PRKD1: variants seen among roughly 807,000 people sequenced by gnomAD.
The protein encoded by PRKD1 is serine/threonine-protein kinase D1.
PRKD1 carries 63 observed loss-of-function variants against 95.9 expected under a neutral mutation model. The observed-to-expected ratio is 0.66, with a 90% CI of 0.54 to 0.81. PRKD1 has a LOEUF of 0.81. PRKD1 is among the 30% of genes least tolerant of loss of function. PRKD1 has a pLI of 0.00. For missense variants in PRKD1, 1,048 were observed against 1,165.3 expected (o/e 0.90, Z 1.47); for synonymous variants, 425 against 423.1 (o/e 1.00, Z -0.05).
intron 11 of PRKD1, among the ~76,000 whole-genome samples, chr14:29,628,330 C>T (rs1879761783): frequency 6.6e-6 from 1 of 152,102 alleles, no homozygotes; most frequent in Non-Finnish European, 1.5e-5. Context: ...ATAGATACAG[C>T]AGGTAAAATA....
intron 4 of PRKD1, among the ~76,000 whole-genome samples, chr14:29,645,030 T>A (rs1038319663): frequency 6.6e-6 from 1 of 152,180 alleles, no homozygotes; most frequent in Non-Finnish European, 1.5e-5. Context: ...AACTTGTAAG[T>A]AGCAGAACTA....
intron 1 of PRKD1, among the ~76,000 whole-genome samples, chr14:29,805,674 AG>A (rs2139229336): frequency 6.6e-6 from 1 of 152,320 alleles, no homozygotes; most frequent in East Asian, 1.9e-4. Context: ...AAGGTAGGCA[AG>A]GAGAGGTTAA....
At chr14:29,627,335 G>T (rs1426864374) in intron 11 of PRKD1, among the ~76,000 whole-genome samples, 1 of 152,196 alleles carries the variant, frequency 6.6e-6, no homozygotes, top group Non-Finnish European at 1.5e-5. Flanking sequence ...CAAAGTGACA[G>T]AAGAGGAGGC....
intron 1 of PRKD1, among the ~76,000 whole-genome samples, chr14:29,784,285 G>C (rs1034427754): frequency 6.6e-6 from 1 of 152,028 alleles, no homozygotes; most frequent in East Asian, 1.9e-4. Flanking sequence ...TACTGTTTTG[G>C]TAACTACACC....
intron 1 of PRKD1, among the ~76,000 whole-genome samples, chr14:29,872,782 G>A (rs1302025105): frequency 6.6e-6 from 1 of 151,938 alleles, no homozygotes; most frequent in African/African-American, 2.4e-5. Context: ...AGTCAAAACA[G>A]AAACATATTC....
chr14:29,773,999 G>A (rs977076297), intron 1 of PRKD1, among the ~76,000 whole-genome samples: 1 of 152,158 alleles, frequency 6.6e-6, no homozygotes, highest in African/African-American at 2.4e-5. Flanking sequence ...TGTCATAAAC[G>A]TTGGATCAAA....
At chr14:29,926,396 T>A (rs1338578148) in intron 1 of PRKD1, among the ~76,000 whole-genome samples, 1 of 152,098 alleles carries the variant, frequency 6.6e-6, no homozygotes, top group Non-Finnish European at 1.5e-5. Context: ...CCATGCAACA[T>A]CCATCTGGAT....
intron 1 of PRKD1, among the ~76,000 whole-genome samples, chr14:29,773,792 A>T (rs1231106968): frequency 6.6e-6 from 1 of 152,198 alleles, no homozygotes; most frequent in Non-Finnish European, 1.5e-5. Flanking sequence ...GAGACAATGA[A>T]ATGTACCCAG....
At chr14:29,773,698 T>G (rs1373593175) in intron 1 of PRKD1, among the ~76,000 whole-genome samples, 1 of 152,178 alleles carries the variant, frequency 6.6e-6, no homozygotes, top group African/African-American at 2.4e-5. Context: ...TAATCCAAGT[T>G]TTCTTTAGTT....
chr14:29,905,194 A>G (rs1055310704), intron 1 of PRKD1, among the ~76,000 whole-genome samples: 1 of 152,196 alleles, frequency 6.6e-6, no homozygotes, highest in Non-Finnish European at 1.5e-5. Context: ...CAGCTCCCTC[A>G]GCCCAAAAAT....
intron 1 of PRKD1, among the ~76,000 whole-genome samples, chr14:29,879,112 T>C (rs1390792976): frequency 1.3e-5 from 2 of 152,152 alleles, no homozygotes; most frequent in Admixed American, 6.5e-5. Context: ...CCTAGCTCTC[T>C]TCACCTGCTC....
chr14:29,654,365 G>C lies in PRKD1; in HGVS notation c.696+9334C>G, dbSNP rs368511763. Reference sequence around the variant, plus strand: ...TTTTCTATGTTTTTAGTAGAGGCAGGGTTTCACCATGTTGACCAGGCTGGT... The same window carrying C: ...TTTTCTATGTTTTTAGTAGAGGCAGCGTTTCACCATGTTGACCAGGCTGGT... On this transcript the variant is annotated intron_variant, in intron 4 of 17. Coordinates refer to ENST00000331968, the MANE Select transcript of PRKD1 (RefSeq NM_002742.3). Among the ~76,000 whole-genome samples, 8 of 151,896 alleles carry C rather than the reference G, an allele frequency of 5.3e-5. No homozygotes were observed. In the East Asian group the frequency reaches 1.2e-3, roughly 22 times the overall value.
chr14:29,637,675 G>A (rs750595988), intron 6 of PRKD1, among the ~76,000 whole-genome samples: 1 of 152,112 alleles, frequency 6.6e-6, no homozygotes, highest in Admixed American at 6.6e-5. Context: ...CCAGAAACAA[G>A]TGTGACAATG....
At position 29,597,210 on chromosome 14, in the gene PRKD1, A is replaced by G. The variant is rs1304219634; in HGVS notation, c.2434+281T>C. Among the ~76,000 whole-genome samples the G allele has an allele frequency of 2.6e-5, 4 of 152,166 alleles. No homozygotes were observed. The South Asian group carries it at 8.3e-4, about 31-fold the overall frequency. On this transcript the variant is annotated intron_variant, in intron 16 of 17. Transcript: ENST00000331968. Reference sequence around the variant, plus strand: ...ATAAGTAAGCCCTTACTAATAATTCATTATTACTATTATATTAAGGTATAA... The same window carrying G: ...ATAAGTAAGCCCTTACTAATAATTCGTTATTACTATTATATTAAGGTATAA...
chr14:29,816,001 C>T (rs1257949568), intron 1 of PRKD1, among the ~76,000 whole-genome samples: 3 of 152,098 alleles, frequency 2.0e-5, no homozygotes, highest in Admixed American at 6.5e-5. Context: ...GGGCGGATCA[C>T]AAAGTCAGGA....
At chr14:29,772,771 T>G (rs2139142617) in intron 1 of PRKD1, among the ~76,000 whole-genome samples, 1 of 152,340 alleles carries the variant, frequency 6.6e-6, no homozygotes, top group African/African-American at 2.4e-5. Context: ...AATCTTAGCT[T>G]CTTTCAGCTT....
chr14:29,874,072 C>A (rs1258910925), intron 1 of PRKD1, among the ~76,000 whole-genome samples: 1 of 152,078 alleles, frequency 6.6e-6, no homozygotes, highest in Non-Finnish European at 1.5e-5. Context: ...ATGTATATTT[C>A]TTTTGCTTGG....
At chr14:29,922,226 A>G (rs1052265674) in intron 1 of PRKD1, among the ~76,000 whole-genome samples, 6 of 151,316 alleles carry the variant, frequency 4.0e-5, no homozygotes, top group South Asian at 2.1e-4. Context: ...CTGTGAACCC[A>G]GGAGGCAGAG....
At chr14:29,603,305 A>G (rs1245552111) in intron 13 of PRKD1, among the ~76,000 whole-genome samples, 1 of 152,220 alleles carries the variant, frequency 6.6e-6, no homozygotes, top group Non-Finnish European at 1.5e-5. Context: ...TATATGGTTG[A>G]GACAAGGCCA....
Sources: gnomAD v4.1 joint callset for allele counts (sites outside exome capture counted in the v4.1 genomes callset) on GRCh38, gnomAD v4.1.1 for gene constraint, MANE v1.5 for transcripts, NCBI Gene and HGNC (gene_info 2026-07-23, HGNC 2026-07-21) for gene names.